Variants in CRTAC1 observed in about 807,000 individuals in gnomAD.
CRTAC1 encodes the protein cartilage acidic protein 1.
CRTAC1 carries 37 observed loss-of-function variants against 67.8 expected under a neutral mutation model. That is an observed-to-expected ratio of 0.55 (90% CI 0.42 to 0.72). The LOEUF is 0.72. Among genes scored for constraint, CRTAC1 ranks in the 30% least tolerant of loss-of-function variants. CRTAC1 has a pLI of 0.00. For missense variants in CRTAC1, 780 were observed against 931.6 expected, an observed-to-expected ratio of 0.84 and a Z score of 2.12; for synonymous variants, 348 against 371.0, an observed-to-expected ratio of 0.94 and a Z score of 0.71.
At chr10:98,009,073 C>T (rs1029189340) in intron 2 of CRTAC1, among the ~76,000 whole-genome samples, 2 of 152,216 alleles carry the variant, frequency 1.3e-5, no homozygotes, top group African/African-American at 4.8e-5. Context: ...GGCTGATTAA[C>T]TGCAACCCTG....
chr10:97,882,851 G>A (rs372092051), intron 12 of CRTAC1, 23 bp from the exon 13 acceptor site: 32 of 1,613,816 alleles, frequency 2.0e-5, no homozygotes, highest in African/African-American at 6.7e-5. Flanking sequence ...CAGAAGCAGA[G>A]ACATGAGTGA....
At chr10:97,936,401 A>G in intron 2 of CRTAC1, 35 bp from the exon 3 acceptor site, 1 of 1,560,788 alleles carries the variant, frequency 6.4e-7, no homozygotes, top group Non-Finnish European at 8.8e-7. Context: ...GCTGGGGAGG[A>G]GCCGCTGGGC....
chr10:97,882,861 A>C, intron 12 of CRTAC1, 33 bp from the exon 13 acceptor site: 1 of 1,612,484 alleles, frequency 6.2e-7, no homozygotes, highest in Non-Finnish European at 8.5e-7. Flanking sequence ...GACATGAGTG[A>C]GTTGAGAAGG....
At chr10:97,935,985 G>A (rs1361824763) in intron 3 of CRTAC1, among the ~76,000 whole-genome samples, 185 bp downstream of exon 3, 1 of 152,134 alleles carries the variant, frequency 6.6e-6, no homozygotes, top group African/African-American at 2.4e-5. Context: ...AGACCTACAG[G>A]CTCACACGCA....
intron 2 of CRTAC1, among the ~76,000 whole-genome samples, chr10:97,950,257 A>G (rs1307344043): frequency 2.1e-5 from 3 of 144,304 alleles, no homozygotes; most frequent in African/African-American, 7.5e-5. Flanking sequence ...AGAGAGAGAG[A>G]GAGAGAGAGA....
chr10:97,998,129 C>T (rs917885408), intron 2 of CRTAC1, among the ~76,000 whole-genome samples: 1 of 152,128 alleles, frequency 6.6e-6, no homozygotes, highest in Non-Finnish European at 1.5e-5. Flanking sequence ...CACCACTATA[C>T]CAGCTAATTT....
At chr10:98,009,732 A>T (rs1382529201) in intron 2 of CRTAC1, among the ~76,000 whole-genome samples, 1 of 152,194 alleles carries the variant, frequency 6.6e-6, no homozygotes, top group Non-Finnish European at 1.5e-5. Context: ...GGCCTCCCAG[A>T]ATGAGGTCGA....
chr10:97,909,543 A>T (rs1465727137), intron 5 of CRTAC1, among the ~76,000 whole-genome samples: 1 of 152,226 alleles, frequency 6.6e-6, no homozygotes, highest in Non-Finnish European at 1.5e-5. Context: ...TATCAAAAAT[A>T]TGAAAGACTA....
At chr10:97,881,727 T>C (rs1186962263) in intron 13 of CRTAC1, among the ~76,000 whole-genome samples, 4 of 152,072 alleles carry the variant, frequency 2.6e-5, no homozygotes, top group Admixed American at 6.6e-5. Flanking sequence ...GTGGAGAGTG[T>C]AGGGGAGTCA....
rs2050008056 is a variant in CRTAC1, at chr10:97,865,429, T to A, written c.*119A>T. 3.2e-6 allele frequency: 4 copies of A among 1,231,564 alleles called. No individual in the cohort carries two copies. Among genetic ancestry groups the A allele is most frequent in the Admixed American group, 2.6e-5 (1 of 38,658 alleles). 76.3% of individuals were successfully genotyped at this position (1,231,564 alleles called of 1,614,324 possible). A position where few individuals can be genotyped will look rare whatever the true frequency, so the allele number is the denominator to read the frequency against. The stretch of plus-strand genomic sequence containing the variant: ...TTGTTAGCTAAGTAATGTGCATGGA[T>A]GGGCTTGGGGAGGGTCTAGCTCCCA... On this transcript the variant is annotated 3_prime_UTR_variant, in exon 15 of 15. Coordinates refer to ENST00000370597, the MANE Select transcript of CRTAC1 (RefSeq NM_018058.7).
At chr10:97,980,207 C>G (rs1193874091) in intron 2 of CRTAC1, among the ~76,000 whole-genome samples, 1 of 152,222 alleles carries the variant, frequency 6.6e-6, no homozygotes, top group East Asian at 1.9e-4. Context: ...CAGGGCAATG[C>G]CAGGCACACA....
chr10:97,985,168 A>G (rs1232686781), intron 2 of CRTAC1, among the ~76,000 whole-genome samples: 1 of 152,186 alleles, frequency 6.6e-6, no homozygotes, highest in African/African-American at 2.4e-5. Context: ...CCTACTAGTA[A>G]AGAAAGGAAG....
chr10:97,949,396 AG>A (rs1280372866), intron 2 of CRTAC1, among the ~76,000 whole-genome samples: 2 of 152,192 alleles, frequency 1.3e-5, no homozygotes, highest in Non-Finnish European at 2.9e-5. Flanking sequence ...ATTGGACAAA[AG>A]GGCACAGGCA....
At chr10:97,877,295 T>C (rs984314575) in intron 14 of CRTAC1, among the ~76,000 whole-genome samples, 2 of 152,244 alleles carry the variant, frequency 1.3e-5, no homozygotes, top group Non-Finnish European at 2.9e-5. Context: ...TCTATCTGGC[T>C]GGAGGGAAGG....
intron 4 of CRTAC1, 131 bp from the exon 5 acceptor site, chr10:97,917,787 T>A: frequency 1.6e-6 from 1 of 609,874 alleles, no homozygotes; most frequent in Non-Finnish European, 2.6e-6. Flanking sequence ...CTGTTGCAAA[T>A]GGCCTTGCAG....
intron 2 of CRTAC1, among the ~76,000 whole-genome samples, chr10:98,005,527 T>C (rs1055525379): frequency 2.6e-5 from 4 of 151,928 alleles, no homozygotes; most frequent in Admixed American, 1.3e-4. Flanking sequence ...CAATTAAGAC[T>C]GAAAGTTCAA....
intron 1 of CRTAC1, among the ~76,000 whole-genome samples, chr10:98,021,703 T>C (rs1217882736): frequency 1.3e-5 from 2 of 152,200 alleles, no homozygotes; most frequent in African/African-American, 4.8e-5. Flanking sequence ...TAAATGTTTG[T>C]GAGATGCATG....
intron 1 of CRTAC1, among the ~76,000 whole-genome samples, chr10:98,026,043 C>T (rs1843226747): frequency 6.6e-6 from 1 of 152,222 alleles, no homozygotes; most frequent in East Asian, 1.9e-4. Context: ...CAGGCTCACT[C>T]ACTGGGAAAA....
In CRTAC1 at chr10:97,917,476, T is replaced by C. The variant is rs200907831; in HGVS notation, c.715+24A>G. 9 of 1,475,524 alleles carry C rather than the reference T, an allele frequency of 6.1e-6. No homozygotes were observed. In the East Asian group the frequency reaches 2.0e-4, roughly 33 times the overall value. The allele number at this position is 1,475,524 out of a possible 1,614,324, so 91.4% of individuals were successfully genotyped here. ...CCCAGCCCCAGCCCCTCCAGCATAC[T>C]ACCTCCCATGTCACTCTGCATACCT... On this transcript the variant is annotated intron_variant, in intron 5 of 14. Transcript: ENST00000370597.
Sources: allele counts gnomAD v4.1 joint callset (sites outside exome capture counted in the v4.1 genomes callset), GRCh38; gene constraint gnomAD v4.1.1; transcripts MANE v1.5; gene names NCBI Gene and HGNC (gene_info 2026-07-23, HGNC 2026-07-21).